The following ADCYAP1R1 variants were observed in gnomAD, a reference collection of about 807,000 sequenced individuals.
The protein encoded by ADCYAP1R1 is pituitary adenylate cyclase-activating polypeptide type I receptor.
ADCYAP1R1 carries 44 observed loss-of-function variants against 67.6 expected under a neutral mutation model. The ratio of observed to expected loss-of-function variants is 0.65; its 90% CI spans 0.51 to 0.84. ADCYAP1R1 has a LOEUF of 0.84. ADCYAP1R1 is among the 40% of genes least tolerant of loss of function. The pLI, the probability that ADCYAP1R1 is intolerant of heterozygous loss-of-function variation, is 0.00. For synonymous variants in ADCYAP1R1, 222 were observed against 219.6 expected (o/e 1.01, Z -0.10); for missense variants, 477 against 587.9 (o/e 0.81, Z 1.95).
At chr7:31,077,392 T>C (rs1435753854) in intron 3 of ADCYAP1R1, among the ~76,000 whole-genome samples, 1 of 148,116 alleles carries the variant, frequency 6.8e-6, no homozygotes. Context: ...GTGGTGTGTA[T>C]GTGATGTGTG....
At chr7:31,085,192 C>T (rs1272843758) in intron 8 of ADCYAP1R1, 118 bp from the exon 9 acceptor site, 5 of 1,399,878 alleles carry the variant, frequency 3.6e-6, no homozygotes, top group Non-Finnish European at 4.8e-6. Flanking sequence ...GGAGGGTGGC[C>T]TGGGTGGGAG....
chr7:31,054,491 C>T (rs1016686769), intron 1 of ADCYAP1R1, among the ~76,000 whole-genome samples: 6 of 152,182 alleles, frequency 3.9e-5, no homozygotes, highest in Non-Finnish European at 5.9e-5. Context: ...TGTTGTGCGT[C>T]AACTTTGGGA....
In ADCYAP1R1 at chr7:31,108,346, T is replaced by G. The variant is rs1367399684; in HGVS notation, c.*1662T>G. ...AGAGGAAGAAAGGAGCTACCTGCCC[T>G]TTCCTGGGCATGCTTGGTGACTCAG... is the stretch of plus-strand genomic sequence containing the variant. On this transcript the variant is annotated 3_prime_UTR_variant, in exon 16 of 16. Transcript: ENST00000304166. 1.3e-5 allele frequency: 2 copies of G among 152,296 alleles called. No homozygotes were observed. The highest frequency in any genetic ancestry group is 4.8e-5 in the African/African-American group (2 of 41,466). The allele number at this position is 152,296 out of a possible 1,614,324, so 9.4% of individuals were successfully genotyped here.
chr7:31,064,160 T>C (rs1794632180), intron 2 of ADCYAP1R1, among the ~76,000 whole-genome samples: 1 of 152,190 alleles, frequency 6.6e-6, no homozygotes, highest in African/African-American at 2.4e-5. Context: ...AGCCCCAGTT[T>C]CTCCTTCTGT....
intron 3 of ADCYAP1R1, among the ~76,000 whole-genome samples, chr7:31,076,035 G>A (rs1795196484): frequency 6.6e-6 from 1 of 152,188 alleles, no homozygotes; most frequent in South Asian, 2.1e-4. Flanking sequence ...TGCTGTGTTT[G>A]AATCATCTTT....
At chr7:31,077,016 G>A (rs925493404) in intron 3 of ADCYAP1R1, among the ~76,000 whole-genome samples, 10 of 152,196 alleles carry the variant, frequency 6.6e-5, no homozygotes, top group Non-Finnish European at 1.2e-4. Context: ...CTTCGGGGGT[G>A]TGGGGCGGTG....
intron 6 of ADCYAP1R1, among the ~76,000 whole-genome samples, chr7:31,083,867 T>G (rs773974241): frequency 1.3e-5 from 2 of 152,148 alleles, no homozygotes; most frequent in Non-Finnish European, 2.9e-5. Context: ...CTCAGGCCCA[T>G]CCCTGATGAG....
intron 1 of ADCYAP1R1, among the ~76,000 whole-genome samples, chr7:31,053,827 G>T (rs975354983): frequency 6.6e-6 from 1 of 152,196 alleles, no homozygotes; most frequent in Non-Finnish European, 1.5e-5. Flanking sequence ...AGCATGTGGA[G>T]GGCAACTTGC....
intron 12 of ADCYAP1R1, among the ~76,000 whole-genome samples, chr7:31,091,074 A>G (rs901630466): frequency 6.6e-6 from 1 of 152,122 alleles, no homozygotes; most frequent in Non-Finnish European, 1.5e-5. Flanking sequence ...CTGCCTCCCC[A>G]GCATCTGTTG....
intron 14 of ADCYAP1R1, 78 bp from the exon 15 acceptor site, chr7:31,104,790 G>A (rs763439152): frequency 5.9e-6 from 9 of 1,518,548 alleles, no homozygotes; most frequent in African/African-American, 1.4e-5. Flanking sequence ...GCTTCCTAGA[G>A]TCATCCCCTC....
In ADCYAP1R1 at chr7:31,057,993, A is replaced by G. The variant is rs571416006; in HGVS notation, c.-71-5201A>G. ...CCCATGATGGGCAGATGAGAGTCCC[A>G]GGGCTGTGTGGCCCAAAGAAGAGGT... is the stretch of plus-strand genomic sequence containing the variant. On this transcript the variant is annotated intron_variant, in intron 1 of 15. Coordinates refer to ENST00000304166, the MANE Select transcript of ADCYAP1R1 (RefSeq NM_001118.5). 1.1e-4 allele frequency among the ~76,000 whole-genome samples: 17 copies of G among 152,324 alleles called. No homozygotes were observed. The South Asian group carries it at 2.9e-3, about 26-fold the overall frequency.
chr7:31,092,750 G>A lies in ADCYAP1R1; in HGVS notation c.1046+15G>A. ...AGCATCTACTTGTAAGTACCATTGT[G>A]TGGCTGCCACAGCCATTTCTGACAG... On this transcript the variant is annotated intron_variant, in intron 13 of 15. Transcript: ENST00000304166. The A allele has an allele frequency of 6.3e-7, 1 of 1,592,772 alleles. No homozygotes were observed. The highest frequency in any genetic ancestry group is 8.6e-7 in the Non-Finnish European group (1 of 1,167,552).
chr7:31,088,457 G>T (rs375270372), intron 12 of ADCYAP1R1, among the ~76,000 whole-genome samples: 1 of 152,088 alleles, frequency 6.6e-6, no homozygotes, highest in Non-Finnish European at 1.5e-5. Context: ...TATTGTTCTT[G>T]TTTGTAACAC....
chr7:31,081,867 G>A, intron 6 of ADCYAP1R1, 113 bp downstream of exon 6: 2 of 787,906 alleles, frequency 2.5e-6, no homozygotes, highest in Non-Finnish European at 4.0e-6. Context: ...GTGGCTGTGT[G>A]ATCTTTGGCA....
intron 12 of ADCYAP1R1, among the ~76,000 whole-genome samples, chr7:31,088,458 T>G (rs1036932107): frequency 1.3e-5 from 2 of 152,242 alleles, no homozygotes; most frequent in Non-Finnish European, 2.9e-5. Context: ...ATTGTTCTTG[T>G]TTGTAACACT....
intron 13 of ADCYAP1R1, among the ~76,000 whole-genome samples, chr7:31,094,281 T>C (rs905525845): frequency 1.2e-4 from 19 of 152,096 alleles, no homozygotes; most frequent in African/African-American, 3.9e-4. Context: ...GCCAGCCCTT[T>C]GCTACTACAT....
rs1453334380 is a variant in ADCYAP1R1, at chr7:31,084,217, G to C, written c.405G>C (p.Gly135=). The change falls in exon 7 of 16, where the codon GGG becomes GGC. Residue 135 remains glycine (G), a synonymous_variant. Coordinates refer to ENST00000304166, the MANE Select transcript of ADCYAP1R1 (RefSeq NM_001118.5). The part of the protein sequence containing the change: ...EPFPHYFDAC[G]FDEYESETGD... Reference sequence around the variant, plus strand: ...TCCCTCATTACTTTGATGCCTGTGGGTTTGATGAATATGAATCTGAGACTG... The same window carrying C: ...TCCCTCATTACTTTGATGCCTGTGGCTTTGATGAATATGAATCTGAGACTG... 1 of 1,614,082 alleles carries C rather than the reference G, an allele frequency of 6.2e-7. No homozygotes were observed. The highest frequency in any genetic ancestry group is 8.5e-7 in the Non-Finnish European group (1 of 1,180,040).
chr7:31,076,483 A>G (rs960815350), intron 3 of ADCYAP1R1, among the ~76,000 whole-genome samples: 1 of 152,124 alleles, frequency 6.6e-6, no homozygotes, highest in East Asian at 1.9e-4. Flanking sequence ...ATAAAGCTTG[A>G]CAGTTTCCTC....
At chr7:31,083,903 G>C (rs1262654476) in intron 6 of ADCYAP1R1, among the ~76,000 whole-genome samples, 1 of 152,166 alleles carries the variant, frequency 6.6e-6, no homozygotes, top group Non-Finnish European at 1.5e-5. Flanking sequence ...GAGAGGGGAG[G>C]GATGCAGGGA....
Sources: gnomAD v4.1 joint callset for allele counts (sites outside exome capture counted in the v4.1 genomes callset) on GRCh38, gnomAD v4.1.1 for gene constraint, MANE v1.5 for transcripts, NCBI Gene and HGNC (gene_info 2026-07-23, HGNC 2026-07-21) for gene names.